COA8: variants seen among roughly 807,000 people sequenced by gnomAD.
COA8 encodes cytochrome c oxidase assembly factor 8.
Under a neutral mutation model 22.0 loss-of-function variants are expected in COA8, and 20 were observed. That is an observed-to-expected ratio of 0.91 (90% CI 0.64 to 1.32). The LOEUF is 1.32. Ranked by LOEUF, COA8 falls within the 40% of genes most tolerant of loss-of-function variation. The pLI, the probability that COA8 is intolerant of heterozygous loss-of-function variation, is 0.00. For synonymous variants in COA8, 105 were observed against 79.9 expected (o/e 1.31, Z -1.68); for missense variants, 266 against 230.0 (o/e 1.16, Z -1.01).
Position 103,590,392 on chromosome 14 carries a change from A to T in COA8, c.*106A>T, listed in dbSNP as rs1430702797. ...TGGAGCTGATCTCAAGAAGCCCCAC[A>T]TCTTCCTAAGGGGCCCCATGGCCTG... On this transcript the variant is annotated 3_prime_UTR_variant, in exon 5 of 5. Coordinates refer to ENST00000409074, the MANE Select transcript of COA8 (RefSeq NM_001370595.2). 4 of 1,143,318 alleles carry T rather than the reference A, an allele frequency of 3.5e-6. No individual in the cohort carries two copies. The highest frequency in any genetic ancestry group is 3.7e-6 in the Non-Finnish European group (3 of 804,220). The allele number at this position is 1,143,318 out of a possible 1,614,324, so 70.8% of individuals were successfully genotyped here. A position where few individuals can be genotyped will look rare whatever the true frequency, so the allele number is the denominator to read the frequency against.
chr14:103,590,234 T>G lies in COA8; in HGVS notation c.530T>G (p.Leu177Arg). 1 of 1,614,090 alleles carries G rather than the reference T, an allele frequency of 6.2e-7. No homozygotes were observed. Among genetic ancestry groups the G allele is most frequent in the Non-Finnish European group, 8.5e-7 (1 of 1,179,982 alleles). ...ACCTTCTTCATGGGAAAAGTGGCCC[T>G]GGAAAGGATTTGGAACAAGCTTAAA... Reference protein sequence around the residue: ...AITFFMGKVALERIWNKLKQK... With the variant: ...AITFFMGKVARERIWNKLKQK... Residue 177 changes from leucine to arginine, a missense_variant, in exon 5 of 5, where the codon CTG becomes CGG. By Grantham distance (102) the Leu-to-Arg change is moderately radical. Transcript: ENST00000409074.
chr14:103,579,543 T>G (rs2076251917), intron 3 of COA8: 1 of 153,082 alleles, frequency 6.5e-6, no homozygotes, highest in East Asian at 2.0e-4. Context: ...GAGGCAGGGT[T>G]TCACCATGTT....
chr14:103,581,776 G>A lies in COA8; in HGVS notation c.386-5498G>A, dbSNP rs1211488096. 2 of 394,532 alleles carry A rather than the reference G, an allele frequency of 5.1e-6. No homozygotes were observed. The highest frequency in any genetic ancestry group is 8.9e-6 in the Non-Finnish European group (2 of 224,022). The allele number at this position is 394,532 out of a possible 1,614,324, so 24.4% of individuals were successfully genotyped here. ...AGTTAAACTGTTCTTCATTCCGGTG[G>A]CACTAGACCTGCCCGGGCGGCCAGA... is the stretch of plus-strand genomic sequence containing the variant. On this transcript the variant is annotated intron_variant, in intron 3 of 4. Transcript: ENST00000409074. The surrounding 1 kb of genome is among the most constrained non-coding windows in gnomAD (Gnocchi z 4.1).
intron 3 of COA8, 121 bp downstream of exon 3, chr14:103,574,291 G>A (rs2076214484): frequency 2.2e-6 from 3 of 1,376,566 alleles, no homozygotes; most frequent in Non-Finnish European, 3.1e-6. Context: ...GCCTGCTTTG[G>A]GGCAGTGCTC....
intron 3 of COA8, among the ~76,000 whole-genome samples, chr14:103,576,789 C>G (rs186549319): frequency 6.6e-6 from 1 of 152,174 alleles, no homozygotes; most frequent in Non-Finnish European, 1.5e-5. Context: ...CCCGGATTAG[C>G]TGAGGCAGAG....
intron 1 of COA8, among the ~76,000 whole-genome samples, chr14:103,568,597 A>G (rs1178576886): frequency 7.6e-6 from 1 of 132,376 alleles, no homozygotes; most frequent in Non-Finnish European, 1.6e-5. Context: ...ATATATATGT[A>G]TACGTATATA....
At chr14:103,590,145 C>T in intron 4 of COA8, 36 bp from the exon 5 acceptor site, 4 of 1,584,438 alleles carry the variant, frequency 2.5e-6, no homozygotes, top group Non-Finnish European at 3.5e-6. Context: ...CAGTCCCTGC[C>T]ACCGTGTCAC....
In COA8 at chr14:103,581,896, AGG is replaced by A. The variant is rs1314880709; in HGVS notation, c.386-5375_386-5374del. Among the ~76,000 whole-genome samples the A allele has an allele frequency of 6.6e-6, 1 of 152,144 alleles. No homozygotes were observed. The highest frequency in any genetic ancestry group is 2.4e-5 in the African/African-American group (1 of 41,434). ...TGTTTGTTTCTGTCTGTGGGAATAA[AGG>A]GGTTGCCAGACACCCTCCCTGCTCT... On this transcript the variant is annotated intron_variant, in intron 3 of 4. Coordinates refer to ENST00000409074, the MANE Select transcript of COA8 (RefSeq NM_001370595.2). This position sits in a 1 kb window ranked among gnomAD's most constrained non-coding sequence, Gnocchi z 4.1.
Position 103,573,414 on chromosome 14 carries a change from G to T in COA8, c.322-693G>T, listed in dbSNP as rs534039595. ...TGAACCCCTGACCTTCAGGTGATTCGCCTGCCTTGGCCTCCCAAAGTGCTG... is the reference window on the plus strand; with the variant it reads ...TGAACCCCTGACCTTCAGGTGATTCTCCTGCCTTGGCCTCCCAAAGTGCTG... On this transcript the variant is annotated intron_variant, in intron 2 of 4. Transcript: ENST00000409074. Among the ~76,000 whole-genome samples the T allele has an allele frequency of 4.8e-4, 73 of 151,774 alleles. No homozygotes were observed. The East Asian group carries it at 0.014, about 29-fold the overall frequency.
chr14:103,588,899 C>T (rs1297204486), intron 4 of COA8, among the ~76,000 whole-genome samples: 1 of 152,096 alleles, frequency 6.6e-6, no homozygotes, highest in Admixed American at 6.6e-5. Flanking sequence ...GACAGTCTGA[C>T]CTAAAGATTA....
intron 3 of COA8, among the ~76,000 whole-genome samples, chr14:103,582,737 CTTTT>C (rs61102383): frequency 1.7e-5 from 2 of 120,936 alleles, no homozygotes; most frequent in African/African-American, 6.8e-5. Flanking sequence ...TTCACCCTGC[CTTTT>C]TTTTTTTTTT....
At chr14:103,568,571 G>A (rs574578377) in intron 1 of COA8, among the ~76,000 whole-genome samples, 12 of 87,416 alleles carry the variant, frequency 1.4e-4, no homozygotes, top group South Asian at 6.1e-4. Context: ...ACATATATAC[G>A]TGTGTGTGTA....
chr14:103,563,047 T>C lies in COA8; in HGVS notation c.46T>C (p.Cys16Arg). The C allele has an allele frequency of 6.5e-7, 1 of 1,541,496 alleles. No individual in the cohort carries two copies. Among genetic ancestry groups the C allele is most frequent in the Non-Finnish European group, 8.7e-7 (1 of 1,149,100 alleles). Residue 16 changes from cysteine to arginine, a missense_variant, in exon 1 of 5, where the codon TGC (cysteine) becomes CGC (arginine). Coordinates refer to ENST00000409074, the MANE Select transcript of COA8 (RefSeq NM_001370595.2). ...AGKKTFLPPLCRAFACRGCQL... is the reference protein window; with the variant it reads ...AGKKTFLPPLRRAFACRGCQL... Reference sequence around the variant, plus strand: ...GAAGAAGACCTTTCTCCCCCCTCTCTGCCGCGCCTTCGCCTGCCGCGGCTG... The same window carrying C: ...GAAGAAGACCTTTCTCCCCCCTCTCCGCCGCGCCTTCGCCTGCCGCGGCTG...
intron 3 of COA8, 149 bp downstream of exon 3, chr14:103,574,319 G>C (rs2076215085): frequency 1.9e-6 from 2 of 1,046,970 alleles, no homozygotes; most frequent in Admixed American, 1.8e-5. Context: ...CCCTGTCCAA[G>C]TTCTCTTGCA....
intron 3 of COA8, among the ~76,000 whole-genome samples, chr14:103,586,114 T>C (rs1352928249): frequency 2.7e-5 from 4 of 150,896 alleles, no homozygotes; most frequent in African/African-American, 9.8e-5. Flanking sequence ...TTGGCCAGGC[T>C]GGTCTCGAAC....
intron 4 of COA8, among the ~76,000 whole-genome samples, chr14:103,589,230 G>A (rs2076332817): frequency 6.6e-6 from 1 of 152,150 alleles, no homozygotes. Flanking sequence ...ATGGAATATG[G>A]CTTTTCCTTG....
intron 3 of COA8, among the ~76,000 whole-genome samples, chr14:103,576,202 A>G (rs1044309888): frequency 6.6e-6 from 1 of 152,136 alleles, no homozygotes; most frequent in African/African-American, 2.4e-5. Context: ...GCTACTCAGG[A>G]GACTGAGGCA....
intron 4 of COA8, 50 bp from the exon 5 acceptor site, chr14:103,590,131 G>T: frequency 2.6e-6 from 4 of 1,533,714 alleles, no homozygotes; most frequent in Non-Finnish European, 3.6e-6. Context: ...AGGGCACCAA[G>T]CCTCAGTCCC....
intron 1 of COA8, among the ~76,000 whole-genome samples, chr14:103,564,631 G>A (rs1312203711): frequency 7.5e-6 from 1 of 133,484 alleles, no homozygotes; most frequent in Non-Finnish European, 1.5e-5. Flanking sequence ...CCAGGTGGGA[G>A]TACAGTGGCG....
Sources: gnomAD v4.1 joint callset for allele counts (sites outside exome capture counted in the v4.1 genomes callset) on GRCh38, gnomAD v4.1.1 for gene constraint, Gnocchi (gnomAD v3.1) non-coding constraint, MANE v1.5 for transcripts, NCBI Gene and HGNC (gene_info 2026-07-23, HGNC 2026-07-21) for gene names.